The following SPACA6 variants were observed in gnomAD, a reference collection of about 807,000 sequenced individuals.
SPACA6 encodes sperm acrosome associated 6, also known as sperm acrosome membrane-associated protein 6.
For synonymous variants in SPACA6, 6 were observed against 1.5 expected, an observed-to-expected ratio of 4.05 and a Z score of -2.21; for missense variants, 8 against 2.8, an observed-to-expected ratio of 2.88 and a Z score of -1.34.
At chr19:51,709,275 T>C (rs1399433436), downstream of SPACA6, among the ~76,000 whole-genome samples, 1 of 150,400 alleles carries the variant, frequency 6.6e-6, no homozygotes, top group South Asian at 2.1e-4. Flanking sequence ...CCCAGCACTT[T>C]GGGAAGCCGA....
At chr19:51,695,080 A>G (rs2083418935) in intron 2 of SPACA6, among the ~76,000 whole-genome samples, 1 of 152,118 alleles carries the variant, frequency 6.6e-6, no homozygotes, top group Admixed American at 6.5e-5. Context: ...ACTCACACAC[A>G]CACACAGATT....
At chr19:51,687,468 G>C (rs2083333764), upstream of SPACA6, 1 of 140,164 alleles carries the variant, frequency 7.1e-6, no homozygotes. Context: ...CTAGATATGG[G>C]AGGATCTTTG....
chr19:51,692,114 G>T (rs2083378939), upstream of SPACA6, among the ~76,000 whole-genome samples: 1 of 152,130 alleles, frequency 6.6e-6, no homozygotes, highest in African/African-American at 2.4e-5. The surrounding 1 kb of genome is among the most constrained non-coding windows in gnomAD (Gnocchi z 5.6). Flanking sequence ...ACCTAGGGAG[G>T]CTCTGATGGT....
intron 3 of SPACA6, chr19:51,702,404 G>A: frequency 2.6e-6 from 1 of 381,890 alleles, no homozygotes; most frequent in Non-Finnish European, 4.6e-6. Flanking sequence ...ACCCCAAGTA[G>A]AAGGCTGGCA....
rs368485012 is a variant in SPACA6, at chr19:51,695,815, C to T, written c.292+1260C>T. Among the ~76,000 whole-genome samples, 502 of 152,260 alleles carry T rather than the reference C, an allele frequency of 3.3e-3. 2 individuals carry two copies. Among genetic ancestry groups the T allele is most frequent in the African/African-American group, 0.012 (483 of 41,542 alleles). On this transcript the variant is annotated intron_variant, in intron 2 of 8. Coordinates refer to ENST00000637797, the MANE Select transcript of SPACA6 (RefSeq NM_001316972.2). ...GTGAGGGTCCAGGCCAGAGCGGAGG[C>T]CCGAGTGGGGGCTGGGGCCGTGAAG... is the stretch of plus-strand genomic sequence containing the variant.
chr19:51,688,949 G>GGAGAGAGC (rs1555791946), upstream of SPACA6, among the ~76,000 whole-genome samples: 1 of 151,194 alleles, frequency 6.6e-6, no homozygotes, highest in Non-Finnish European at 1.5e-5. Flanking sequence ...AGGGAGAGAG[G>GGAGAGAGC]GAGAGAGAGA....
In SPACA6 at chr19:51,699,812, G is replaced by A. The variant is rs8108016; in HGVS notation, c.293-1846G>A. Among the ~76,000 whole-genome samples, 6 of 152,046 alleles carry A rather than the reference G, an allele frequency of 3.9e-5. No homozygotes were observed. In the South Asian group the frequency reaches 8.3e-4, roughly 21 times the overall value. Reference sequence around the variant, plus strand: ...ACTTCAACATACAAGTTTGGTTGCGGGGGATGGGGGGTGGGCGGCACGATT... The same window carrying A: ...ACTTCAACATACAAGTTTGGTTGCGAGGGATGGGGGGTGGGCGGCACGATT... On this transcript the variant is annotated intron_variant, in intron 2 of 8. Coordinates refer to ENST00000637797, the MANE Select transcript of SPACA6 (RefSeq NM_001316972.2).
At chr19:51,685,570 C>G (rs1404026527), upstream of SPACA6, 1 of 152,194 alleles carries the variant, frequency 6.6e-6, no homozygotes, top group Non-Finnish European at 1.5e-5. Context: ...GGGTCTCACT[C>G]TATCAACCAG....
Position 51,703,330 on chromosome 19 carries a change from G to A in SPACA6, c.566G>A (p.Gly189Glu). The A allele has an allele frequency of 2.5e-6, 1 of 399,380 alleles. No homozygotes were observed. Among genetic ancestry groups the A allele is most frequent in the Non-Finnish European group, 4.4e-6 (1 of 226,120 alleles). 24.7% of individuals were successfully genotyped at this position (399,380 alleles called of 1,614,324 possible). A position where few individuals can be genotyped will look rare whatever the true frequency, so the allele number is the denominator to read the frequency against. Residue 189 changes from glycine to glutamate, a missense_variant, in exon 6 of 9, where the codon GGA becomes GAA. Gly to Glu is a moderately conservative substitution (Grantham distance 98). Transcript: ENST00000637797. The surrounding 1 kb of genome is among the most constrained non-coding windows in gnomAD (Gnocchi z 4.2). ...EEITYSWKFA[G>E]GGLRTQDLSY... Reference sequence around the variant, plus strand: ...ATCACCTATTCCTGGAAGTTCGCAGGAGGAGGTGTGAGTCGGGGCGGGGCC... The same window carrying A: ...ATCACCTATTCCTGGAAGTTCGCAGAAGGAGGTGTGAGTCGGGGCGGGGCC...
chr19:51,701,808 C>A, intron 3 of SPACA6, 82 bp downstream of exon 3: 1 of 391,632 alleles, frequency 2.6e-6, no homozygotes, highest in South Asian at 1.4e-4. Context: ...GATGGTGGCT[C>A]ACGCCTGTAA....
At chr19:51,709,273 T>A (rs184066071), downstream of SPACA6, among the ~76,000 whole-genome samples, 1 of 150,026 alleles carries the variant, frequency 6.7e-6, no homozygotes, top group African/African-American at 2.5e-5. Flanking sequence ...ATCCCAGCAC[T>A]TTGGGAAGCC....
intron 2 of SPACA6, among the ~76,000 whole-genome samples, chr19:51,711,271 T>C (rs1403227808): frequency 1.3e-5 from 2 of 152,146 alleles, no homozygotes; most frequent in Non-Finnish European, 2.9e-5. Flanking sequence ...CTGATTGGCT[T>C]GGGTTTAAGA....
At position 51,704,030 on chromosome 19, in the gene SPACA6, C is replaced by T. The variant is rs1467110093; in HGVS notation, c.574C>T (p.Leu192Phe). The change falls in exon 7 of 9, where the codon CTC becomes TTC. Residue 192 changes from leucine (L) to phenylalanine (F), a missense_variant and splice_region_variant. Physicochemically the swap from Leu to Phe is conservative, Grantham distance 22 (BLOSUM62 0). Transcript: ENST00000637797. Reference sequence around the variant, plus strand: ...GCGTTTAAACCCGCGTGTCCCGCAGCTCCGGACTCAGGACTTGTCCTATTT... The same window carrying T: ...GCGTTTAAACCCGCGTGTCCCGCAGTTCCGGACTCAGGACTTGTCCTATTT... Reference protein sequence around the residue: ...TYSWKFAGGGLRTQDLSYFRD... With the variant: ...TYSWKFAGGGFRTQDLSYFRD... 4 of 401,040 alleles carry T rather than the reference C, an allele frequency of 1.0e-5. No homozygotes were observed. Among genetic ancestry groups the T allele is most frequent in the Non-Finnish European group, 1.8e-5 (4 of 226,222 alleles). 24.8% of individuals were successfully genotyped at this position (401,040 alleles called of 1,614,324 possible).
chr19:51,699,948 G>T (rs2083456354), intron 2 of SPACA6, among the ~76,000 whole-genome samples: 1 of 152,140 alleles, frequency 6.6e-6, no homozygotes, highest in African/African-American at 2.4e-5. Context: ...CAATTTGGAG[G>T]CCATTGCAGT....
chr19:51,695,653 G>C (rs1379325237), intron 2 of SPACA6, among the ~76,000 whole-genome samples: 1 of 152,332 alleles, frequency 6.6e-6, no homozygotes, highest in Non-Finnish European at 1.5e-5. Flanking sequence ...AGGATTCCAA[G>C]AAATGCCCTT....
upstream of SPACA6, among the ~76,000 whole-genome samples, chr19:51,691,043 C>T (rs1376959486): frequency 6.7e-6 from 1 of 149,400 alleles, no homozygotes; most frequent in Non-Finnish European, 1.5e-5. Flanking sequence ...CCGTCTCCGG[C>T]CCCCGCCTCC....
At chr19:51,711,598 T>C (rs2083541610) in intron 2 of SPACA6, among the ~76,000 whole-genome samples, 1 of 152,212 alleles carries the variant, frequency 6.6e-6, no homozygotes, top group African/African-American at 2.4e-5. Context: ...CGAATGTTCA[T>C]AGTAGCATCA....
upstream of SPACA6, chr19:51,692,903 A>C (rs1250317633): frequency 7.5e-6 from 4 of 531,314 alleles, no homozygotes; most frequent in African/African-American, 7.7e-5. The surrounding 1 kb of genome is among the most constrained non-coding windows in gnomAD (Gnocchi z 5.6). Flanking sequence ...GGGGACCCCC[A>C]GCCCCACTCA....
At chr19:51,706,561 T>C (rs1370805095), downstream of SPACA6, among the ~76,000 whole-genome samples, 2 of 152,192 alleles carry the variant, frequency 1.3e-5, no homozygotes, top group Non-Finnish European at 2.9e-5. Context: ...CCTCTCTCAT[T>C]GCACAGATCC....
Sources: allele counts gnomAD v4.1 joint callset (sites outside exome capture counted in the v4.1 genomes callset), GRCh38; gene constraint gnomAD v4.1.1; non-coding constraint Gnocchi (gnomAD v3.1); transcripts MANE v1.5; gene names NCBI Gene and HGNC (gene_info 2026-07-23, HGNC 2026-07-21).